The following TRIO variants were observed in gnomAD, a reference collection of about 807,000 sequenced individuals.
TRIO encodes the protein trio Rho guanine nucleotide exchange factor.
Under a neutral mutation model 351.9 loss-of-function variants are expected in TRIO, and 58 were observed. The ratio of observed to expected loss-of-function variants is 0.16; its 90% CI spans 0.13 to 0.21. TRIO has a LOEUF of 0.21. Ranked by LOEUF, TRIO falls within the 10% of genes least tolerant of loss-of-function variation. The pLI, the probability that TRIO is intolerant of heterozygous loss-of-function variation, is 1.00. For missense variants in TRIO, 3,201 were observed against 4,027.8 expected, an observed-to-expected ratio of 0.79 and a Z score of 5.56; for synonymous variants, 1,758 against 1,595.7, an observed-to-expected ratio of 1.10 and a Z score of -2.42.
intron 1 of TRIO, among the ~76,000 whole-genome samples, chr5:14,241,205 G>A (rs1429349838): frequency 6.6e-6 from 1 of 152,016 alleles, no homozygotes; most frequent in African/African-American, 2.4e-5. Context: ...TTTCCCATAT[G>A]AACTACAAGT....
chr5:14,296,092 A>C (rs1009274197), intron 6 of TRIO, among the ~76,000 whole-genome samples: 4 of 152,128 alleles, frequency 2.6e-5, no homozygotes, highest in African/African-American at 7.2e-5. Flanking sequence ...TGTTCGAGGC[A>C]GTGGGAGATT....
At chr5:14,418,460 G>A (rs12332644) in intron 33 of TRIO, among the ~76,000 whole-genome samples, 2 of 151,998 alleles carry the variant, frequency 1.3e-5, no homozygotes, top group Non-Finnish European at 2.9e-5. Context: ...GGAGAGCCGC[G>A]CAACATCTGC....
intron 1 of TRIO, among the ~76,000 whole-genome samples, chr5:14,183,075 A>G (rs73055577): frequency 0.038 from 5,800 of 152,244 alleles, 393 homozygotes; most frequent in African/African-American, 0.13. Flanking sequence ...CAGCTGCTCC[A>G]TGAGCTGGGG....
intron 1 of TRIO, among the ~76,000 whole-genome samples, chr5:14,218,365 G>C (rs1792358078): frequency 1.3e-5 from 2 of 152,170 alleles, no homozygotes; most frequent in Non-Finnish European, 1.5e-5. Flanking sequence ...ATAGAAGACT[G>C]ATATTAAGAG....
intron 1 of TRIO, among the ~76,000 whole-genome samples, chr5:14,184,559 A>G (rs945202556): frequency 3.7e-4 from 57 of 152,240 alleles, no homozygotes; most frequent in African/African-American, 1.3e-3. Flanking sequence ...CTTCATTGCT[A>G]TGGACGAGTC....
chr5:14,303,871 T>G (rs1738137931), intron 7 of TRIO, among the ~76,000 whole-genome samples: 1 of 152,238 alleles, frequency 6.6e-6, no homozygotes, highest in Admixed American at 6.5e-5. Context: ...CCCCTTTTTC[T>G]TGGTCTCCTT....
At chr5:14,347,534 G>A (rs1253234624) in intron 11 of TRIO, among the ~76,000 whole-genome samples, 1 of 152,252 alleles carries the variant, frequency 6.6e-6, no homozygotes, top group African/African-American at 2.4e-5. Context: ...TGGAGAGACT[G>A]CTCATCCCAA....
At chr5:14,173,915 A>T (rs1789254525) in intron 1 of TRIO, among the ~76,000 whole-genome samples, 2 of 152,220 alleles carry the variant, frequency 1.3e-5, no homozygotes, top group African/African-American at 4.8e-5. Flanking sequence ...TGCTGTCTGT[A>T]TGTCTTGGCT....
intron 56 of TRIO, 120 bp downstream of exon 56, chr5:14,507,380 G>A: frequency 7.0e-7 from 1 of 1,419,494 alleles, no homozygotes; most frequent in Non-Finnish European, 9.5e-7. Context: ...CAAAAAGGGT[G>A]GGTGGGGCAG....
chr5:14,290,608 T>C, intron 4 of TRIO, 108 bp from the exon 5 acceptor site: 3 of 1,144,878 alleles, frequency 2.6e-6, no homozygotes, highest in South Asian at 3.3e-5. Context: ...TTTCTATAAA[T>C]AGATTACTTT....
Position 14,502,641 on chromosome 5 carries a change from GTGGCTGAGCT to G in TRIO, c.8400_8409del (p.Glu2801GlyfsTer24). 1 of 1,614,218 alleles carries G rather than the reference GTGGCTGAGCT, an allele frequency of 6.2e-7. No homozygotes were observed. Among genetic ancestry groups the G allele is most frequent in the Non-Finnish European group, 8.5e-7 (1 of 1,180,040 alleles). On this transcript the variant is annotated frameshift_variant, in exon 54 of 57. Coordinates refer to ENST00000344204, the MANE Select transcript of TRIO (RefSeq NM_007118.4). LOFTEE classifies it high-confidence loss of function. ...CAACTTTGACTCCTTCTACAGTGAA[GTGGCTGAGCT>G]TGGCAGGTATGATGCACAACCCAGA...
At chr5:14,391,601 C>T (rs75139601) in intron 27 of TRIO, among the ~76,000 whole-genome samples, 5,069 of 152,252 alleles carry the variant, frequency 0.033, 137 homozygotes, top group Non-Finnish European at 0.043. Context: ...AGCTTTAGAA[C>T]GTGATACACA....
rs762757315 is a variant in TRIO at position 14,358,309 on chromosome 5, C to A, written c.2178C>A (p.Asn726Lys). 6.2e-7 allele frequency: 1 copy of A among 1,614,012 alleles called. No homozygotes were observed. Among genetic ancestry groups the A allele is most frequent in the Non-Finnish European group, 8.5e-7 (1 of 1,180,002 alleles). ...AGACCACCCTGCAGGTGACTGTCAA[C>A]GTGATCAAGGAAGGGGAGGACCTCA... Reference protein sequence around the residue: ...QQQTTLQVTVNVIKEGEDLIQ... With the variant: ...QQQTTLQVTVKVIKEGEDLIQ... Residue 726 changes from asparagine (N) to lysine (K), a missense_variant, in exon 12 of 57, where the codon AAC becomes AAA. Asn to Lys is a moderately conservative substitution (Grantham distance 94). Coordinates refer to ENST00000344204, the MANE Select transcript of TRIO (RefSeq NM_007118.4).
intron 4 of TRIO, among the ~76,000 whole-genome samples, chr5:14,288,641 TGG>T (rs1736651337): frequency 6.7e-6 from 1 of 149,332 alleles, no homozygotes; most frequent in Non-Finnish European, 1.5e-5. Flanking sequence ...CACTCCAGCC[TGG>T]GCAACAGAGC....
At chr5:14,444,421 C>T (rs1161205568) in intron 34 of TRIO, among the ~76,000 whole-genome samples, 1 of 152,054 alleles carries the variant, frequency 6.6e-6, no homozygotes, top group East Asian at 1.9e-4. Context: ...TCGTTTTTTG[C>T]CCTTTAAGTA....
intron 1 of TRIO, among the ~76,000 whole-genome samples, chr5:14,186,603 A>T (rs762797466): frequency 1.3e-5 from 2 of 151,494 alleles, no homozygotes; most frequent in African/African-American, 4.9e-5. Context: ...TTTGAGGTGT[A>T]GTCTCACTGT....
chr5:14,508,548 C>A lies in TRIO; in HGVS notation c.*126C>A. 2 of 1,249,110 alleles carry A rather than the reference C, an allele frequency of 1.6e-6. No homozygotes were observed. Among genetic ancestry groups the A allele is most frequent in the East Asian group, 2.4e-5 (1 of 41,134 alleles). 77.4% of individuals were successfully genotyped at this position (1,249,110 alleles called of 1,614,324 possible). A position where few individuals can be genotyped will look rare whatever the true frequency, so the allele number is the denominator to read the frequency against. On this transcript the variant is annotated 3_prime_UTR_variant, in exon 57 of 57. Coordinates refer to ENST00000344204, the MANE Select transcript of TRIO (RefSeq NM_007118.4). ...ATGTTCATCGTGTGAAATTGCATTC[C>A]AAGTGAGCTGTGCTCAGCAGTGCTT...
chr5:14,157,563 G>GTCTCTCTCTCTCTCCCTGTC (rs1581245836), intron 1 of TRIO, among the ~76,000 whole-genome samples: 1 of 119,034 alleles, frequency 8.4e-6, no homozygotes, highest in Admixed American at 8.7e-5. Flanking sequence ...CTCTCTCCCT[G>GTCTCTCTCTCTCTCCCTGTC]TCTCTCTCTC....
chr5:14,320,388 G>A (rs774472355), intron 9 of TRIO, among the ~76,000 whole-genome samples: 3 of 152,100 alleles, frequency 2.0e-5, no homozygotes, highest in Non-Finnish European at 4.4e-5. Context: ...TTGAGATTCA[G>A]TTACTCTAGC....
Sources: allele counts gnomAD v4.1 joint callset (sites outside exome capture counted in the v4.1 genomes callset), GRCh38; gene constraint gnomAD v4.1.1; transcripts MANE v1.5; gene names NCBI Gene and HGNC (gene_info 2026-07-23, HGNC 2026-07-21).